The following TSEN15 variants were observed in gnomAD, a reference collection of about 807,000 sequenced individuals.
TSEN15 encodes the protein tRNA-splicing endonuclease subunit Sen15.
A neutral mutation model predicts 20.5 loss-of-function variants in TSEN15; 10 were observed. The ratio of observed to expected loss-of-function variants is 0.49; its 90% CI spans 0.30 to 0.83. The LOEUF is 0.83. Ranked by LOEUF, TSEN15 falls within the 40% of genes least tolerant of loss-of-function variation. The probability of loss-of-function intolerance (pLI) is 0.06; values close to 1 mark genes in which losing one functional copy is unlikely to be tolerated. For missense variants in TSEN15, 180 were observed against 218.6 expected (o/e 0.82, Z 1.11); for synonymous variants, 72 against 80.1 (o/e 0.90, Z 0.54).
In TSEN15 at chr1:184,072,837, T is replaced by C. The variant is rs763995699; in HGVS notation, c.506T>C (p.Leu169Pro). 38 of 1,606,630 alleles carry C rather than the reference T, an allele frequency of 2.4e-5. No homozygotes were observed. Among genetic ancestry groups the C allele is most frequent in the Non-Finnish European group, 3.1e-5 (37 of 1,177,746 alleles). The stretch of plus-strand genomic sequence containing the variant: ...CTTTTTTTTTTCCAGAATATTTCTC[T>C]TAGAAGATGACATCCATGTTTCCTG... ...FMLPDPQNISLRR is the reference protein window; with the variant it reads ...FMLPDPQNISPRR Residue 169 changes from leucine (L) to proline (P), a missense_variant, in exon 5 of 5, where the codon CTT becomes CCT. Coordinates refer to ENST00000645668, the MANE Select transcript of TSEN15 (RefSeq NM_052965.4).
chr1:184,086,875 T>G (rs1166039931), intron 3 of TSEN15, among the ~76,000 whole-genome samples: 14 of 152,206 alleles, frequency 9.2e-5, no homozygotes, highest in African/African-American at 3.4e-4. Context: ...TTGCCAAGTC[T>G]AGTCCATACT....
intron 3 of TSEN15, among the ~76,000 whole-genome samples, chr1:184,085,521 G>A (rs1315477926): frequency 1.3e-5 from 2 of 152,152 alleles, no homozygotes; most frequent in Admixed American, 6.6e-5. Context: ...CATAAAGCAG[G>A]GTATGGGGAT....
intron 3 of TSEN15, chr1:184,095,507 A>G: frequency 2.6e-6 from 1 of 391,588 alleles, no homozygotes; most frequent in East Asian, 3.6e-5. Flanking sequence ...TTTTGGAGTT[A>G]GGCCCTATAT....
chr1:184,088,838 A>G (rs1037345854), intron 3 of TSEN15, among the ~76,000 whole-genome samples: 4 of 152,194 alleles, frequency 2.6e-5, no homozygotes, highest in Admixed American at 1.3e-4. Flanking sequence ...TAGCAGACCT[A>G]TGTGAGATAT....
chr1:184,077,705 T>A (rs1651090458), downstream of TSEN15, among the ~76,000 whole-genome samples: 1 of 152,132 alleles, frequency 6.6e-6, no homozygotes, highest in African/African-American at 2.4e-5. Context: ...CCAACCCTTG[T>A]GGATGACTTT....
chr1:184,059,889 G>T (rs1650386233), intron 3 of TSEN15, among the ~76,000 whole-genome samples: 1 of 152,154 alleles, frequency 6.6e-6, no homozygotes, highest in Admixed American at 6.5e-5. Flanking sequence ...CATCTCTACT[G>T]GTTATTGCTA....
rs578087095 is a variant in TSEN15 at position 184,051,975 on chromosome 1, T to C, written c.135+85T>C. On this transcript the variant is annotated intron_variant, in intron 1 of 4. Transcript: ENST00000645668. ...CCAGGCAGCTCTCTTTCTTTCTTCC[T>C]CAGTGGGAGACTGAGGACGCGCGCC... is the stretch of plus-strand genomic sequence containing the variant. The C allele has an allele frequency of 4.6e-6, 6 of 1,291,318 alleles. No homozygotes were observed. In the South Asian group the frequency reaches 1.3e-4, roughly 28 times the overall value. The allele number at this position is 1,291,318 out of a possible 1,614,324, so 80.0% of individuals were successfully genotyped here.
At chr1:184,066,884 T>C (rs1038140775) in intron 3 of TSEN15, among the ~76,000 whole-genome samples, 1 of 152,234 alleles carries the variant, frequency 6.6e-6, no homozygotes, top group Non-Finnish European at 1.5e-5. Context: ...TTGAGAAGAA[T>C]TGGTATCCAG....
At chr1:184,064,122 G>A (rs1292501638) in intron 3 of TSEN15, among the ~76,000 whole-genome samples, 1 of 152,050 alleles carries the variant, frequency 6.6e-6, no homozygotes, top group Non-Finnish European at 1.5e-5. Flanking sequence ...GAGATGGACA[G>A]TCATTTACAT....
intron 3 of TSEN15, among the ~76,000 whole-genome samples, chr1:184,060,313 T>C (rs978147403): frequency 1.3e-5 from 2 of 152,192 alleles, no homozygotes; most frequent in Non-Finnish European, 2.9e-5. Flanking sequence ...CAAAGGAAAA[T>C]GTCTCTTCAC....
chr1:184,064,169 T>TA (rs1473103575), intron 3 of TSEN15, among the ~76,000 whole-genome samples: 1 of 152,030 alleles, frequency 6.6e-6, no homozygotes, highest in Non-Finnish European at 1.5e-5. Flanking sequence ...ATGTACAGGG[T>TA]ACTGAGGAAG....
chr1:184,088,692 T>G (rs1651307842), intron 3 of TSEN15, among the ~76,000 whole-genome samples: 1 of 152,208 alleles, frequency 6.6e-6, no homozygotes, highest in Non-Finnish European at 1.5e-5. Flanking sequence ...GTTTTTCTAC[T>G]TACATTTCCT....
intron 3 of TSEN15, among the ~76,000 whole-genome samples, chr1:184,057,775 A>G (rs768774663): frequency 1.3e-5 from 2 of 152,170 alleles, no homozygotes; most frequent in African/African-American, 2.4e-5. Context: ...TTAATATGTC[A>G]GTCTATTCAT....
Position 184,072,916 on chromosome 1 carries a change from C to A in TSEN15, c.*69C>A. 6.8e-7 allele frequency: 1 copy of A among 1,460,626 alleles called. No individual in the cohort carries two copies. Among genetic ancestry groups the A allele is most frequent in the Non-Finnish European group, 9.4e-7 (1 of 1,064,312 alleles). The allele number at this position is 1,460,626 out of a possible 1,614,324, so 90.5% of individuals were successfully genotyped here. A position where few individuals can be genotyped will look rare whatever the true frequency, so the allele number is the denominator to read the frequency against. On this transcript the variant is annotated 3_prime_UTR_variant, in exon 5 of 5. Transcript: ENST00000645668. The stretch of plus-strand genomic sequence containing the variant: ...TTTGAGACCCATCAGACTGCTTCAT[C>A]TTTTATCTCAGAAATAGGGTTGACG...
Position 184,073,005 on chromosome 1 carries a change from A to C in TSEN15, c.*158A>C, listed in dbSNP as rs1650948118. ...TCATTCTGAAGAGTAAAACTTCCCC[A>C]GGTAGAAGACTTTCTCCTTCTTAAA... On this transcript the variant is annotated 3_prime_UTR_variant, in exon 5 of 5. Coordinates refer to ENST00000645668, the MANE Select transcript of TSEN15 (RefSeq NM_052965.4). The C allele has an allele frequency of 3.0e-6, 2 of 656,748 alleles. No homozygotes were observed. The highest frequency in any genetic ancestry group is 5.1e-6 in the Non-Finnish European group (2 of 389,658). The allele number at this position is 656,748 out of a possible 1,614,324, so 40.7% of individuals were successfully genotyped here.
Position 184,054,335 on chromosome 1 carries a change from A to C in TSEN15, c.136-19A>C. On this transcript the variant is annotated intron_variant, in intron 1 of 4. Coordinates refer to ENST00000645668, the MANE Select transcript of TSEN15 (RefSeq NM_052965.4). ...ATAATTTTTTCTTCTCAATTTGACA[A>C]TTATATTTTAATTTTCAGTATCTAG... 1 of 1,441,588 alleles carries C rather than the reference A, an allele frequency of 6.9e-7. No homozygotes were observed. The highest frequency in any genetic ancestry group is 1.2e-5 in the South Asian group (1 of 81,480). 89.3% of individuals were successfully genotyped at this position (1,441,588 alleles called of 1,614,324 possible).
At chr1:184,092,898 T>A (rs1651385402) in intron 3 of TSEN15, among the ~76,000 whole-genome samples, 1 of 152,236 alleles carries the variant, frequency 6.6e-6, no homozygotes, top group Admixed American at 6.5e-5. Context: ...CTGAGACTGC[T>A]TGTTTTTATT....
At chr1:184,075,006 G>A (rs1171117760), downstream of TSEN15, among the ~76,000 whole-genome samples, 1 of 152,046 alleles carries the variant, frequency 6.6e-6, no homozygotes, top group African/African-American at 2.4e-5. Flanking sequence ...TCTCTCGTTT[G>A]ATTCATTTTG....
chr1:184,065,396 C>T (rs1650616783), intron 3 of TSEN15, among the ~76,000 whole-genome samples: 2 of 152,152 alleles, frequency 1.3e-5, no homozygotes, highest in Admixed American at 1.3e-4. Context: ...GTCATTTACA[C>T]TAGGGTTTAT....
Sources: allele counts gnomAD v4.1 joint callset (sites outside exome capture counted in the v4.1 genomes callset), GRCh38; gene constraint gnomAD v4.1.1; transcripts MANE v1.5; gene names NCBI Gene and HGNC (gene_info 2026-07-23, HGNC 2026-07-21).